The following CHN2 variants were observed in gnomAD, a reference collection of about 807,000 sequenced individuals.
CHN2 encodes beta-chimaerin.
Under a neutral mutation model 56.3 loss-of-function variants are expected in CHN2, and 35 were observed. That is an observed-to-expected ratio of 0.62 (90% CI 0.47 to 0.82). The LOEUF (loss-of-function observed/expected upper bound fraction) is 0.82, where lower values mean the gene tolerates loss of function less well. Among genes scored for constraint, CHN2 ranks in the 40% least tolerant of loss-of-function variants. The pLI, the probability that CHN2 is intolerant of heterozygous loss-of-function variation, is 0.00. For missense variants in CHN2, 491 were observed against 580.5 expected (o/e 0.85, Z 1.58); for synonymous variants, 210 against 212.8 (o/e 0.99, Z 0.12).
intron 10 of CHN2, among the ~76,000 whole-genome samples, chr7:29,505,544 C>G (rs1583436304): frequency 1.3e-5 from 2 of 152,316 alleles, no homozygotes; most frequent in Admixed American, 6.5e-5. Context: ...GAAATACACC[C>G]TATTTGTTGC....
chr7:29,298,340 C>G (rs558905486), intron 1 of CHN2, among the ~76,000 whole-genome samples: 1 of 152,140 alleles, frequency 6.6e-6, no homozygotes, highest in Non-Finnish European at 1.5e-5. Context: ...CCCCCCTCCC[C>G]CGCGACCAGG....
chr7:29,192,162 T>A (rs1213483526), upstream of CHN2: 4 of 152,336 alleles, frequency 2.6e-5, no homozygotes, highest in African/African-American at 9.6e-5. Flanking sequence ...ACTTCTCTGT[T>A]CAGCAAGCGT....
rs1472474906 is a variant in CHN2 at position 29,355,615 on chromosome 7, C to G, written c.88+952C>G. On this transcript the variant is annotated intron_variant, in intron 2 of 12. Transcript: ENST00000222792. ...GCCCACTGTGTCCAGAGCCAGGGTGCGCAGGCCCTGGCTCAGGCTCTGCTT... is the reference window on the plus strand; with the variant it reads ...GCCCACTGTGTCCAGAGCCAGGGTGGGCAGGCCCTGGCTCAGGCTCTGCTT... Among the ~76,000 whole-genome samples, 3 of 151,766 alleles carry G rather than the reference C, an allele frequency of 2.0e-5. No individual in the cohort carries two copies. In the South Asian group the frequency reaches 6.2e-4, roughly 32 times the overall value.
At chr7:29,196,874 A>T (rs1182902012) in intron 1 of CHN2, among the ~76,000 whole-genome samples, 1 of 152,184 alleles carries the variant, frequency 6.6e-6, no homozygotes, top group East Asian at 1.9e-4. Flanking sequence ...ATTTACCCCT[A>T]TTTTTAATCC....
In CHN2 at chr7:29,252,591, T is replaced by TTTTGTTTTGTTTTGTTTTG. The variant is rs1554378210; in HGVS notation, c.49+57604_49+57605insGTTTTGTTTTGTTTTGTTT. ...ATTGCATTCTTTGTTTTTTTTTTTT[T>TTTTGTTTTGTTTTGTTTTG]TTTTTTTTTTTTTTTGAGACGGAGT... On this transcript the variant is annotated intron_variant, in intron 1 of 12. Transcript: ENST00000222792. Among the ~76,000 whole-genome samples, 2 of 25,102 alleles carry TTTTGTTTTGTTTTGTTTTG rather than the reference T, an allele frequency of 8.0e-5. 1 individual carries two copies. Among genetic ancestry groups the TTTTGTTTTGTTTTGTTTTG allele is most frequent in the East Asian group, 4.4e-3 (2 of 458 alleles). The allele number at this position is 25,102 out of a possible 152,430, so 16.5% of individuals were successfully genotyped here. A position where few individuals can be genotyped will look rare whatever the true frequency, so the allele number is the denominator to read the frequency against.
intron 7 of CHN2, among the ~76,000 whole-genome samples, chr7:29,492,112 C>T (rs1788727153): frequency 6.6e-6 from 1 of 152,182 alleles, no homozygotes; most frequent in Non-Finnish European, 1.5e-5. Context: ...TTATTTCACC[C>T]TTACTCTTAG....
At chr7:29,436,834 A>G (rs1315723022) in intron 6 of CHN2, among the ~76,000 whole-genome samples, 3 of 152,188 alleles carry the variant, frequency 2.0e-5, no homozygotes, top group Admixed American at 2.0e-4. Flanking sequence ...TATTGGGCTT[A>G]CAATACACAT....
intron 2 of CHN2, among the ~76,000 whole-genome samples, chr7:29,181,085 G>A (rs911637039): frequency 6.6e-6 from 1 of 152,126 alleles, no homozygotes; most frequent in Admixed American, 6.6e-5. Flanking sequence ...TACAGCAATG[G>A]GAGGCCATTT....
chr7:29,242,759 G>GAAAA (rs57273690), intron 1 of CHN2, among the ~76,000 whole-genome samples: 7 of 59,720 alleles, frequency 1.2e-4, no homozygotes, highest in South Asian at 5.6e-4. Context: ...CTTTCCTTCT[G>GAAAA]AAAAAAAAAA....
At chr7:29,313,458 T>C (rs1794734380) in intron 1 of CHN2, among the ~76,000 whole-genome samples, 2 of 152,068 alleles carry the variant, frequency 1.3e-5, no homozygotes, top group Admixed American at 6.5e-5. Context: ...CCCAGAGGTG[T>C]CAGCTCACTC....
intron 3 of CHN2, among the ~76,000 whole-genome samples, chr7:29,383,898 AG>A (rs1800721297): frequency 6.6e-6 from 1 of 152,194 alleles, no homozygotes; most frequent in South Asian, 2.1e-4. Flanking sequence ...AGACCAGTAA[AG>A]AGACTACTTT....
At chr7:29,470,347 T>C (rs1374245480) in intron 6 of CHN2, among the ~76,000 whole-genome samples, 2 of 152,238 alleles carry the variant, frequency 1.3e-5, no homozygotes, top group Non-Finnish European at 2.9e-5. Context: ...ACTGCATTCT[T>C]AAATATCCCC....
intron 7 of CHN2, among the ~76,000 whole-genome samples, chr7:29,489,163 T>C (rs373666282): frequency 1.9e-4 from 29 of 152,236 alleles, no homozygotes; most frequent in African/African-American, 7.0e-4. Flanking sequence ...TGACTCTTCT[T>C]GCTCTTGTTT....
At chr7:29,354,570 TTGACAGCTTGACG>T (rs1715219258) in intron 1 of CHN2, 42 bp from the exon 2 acceptor site, 1 of 1,512,964 alleles carries the variant, frequency 6.6e-7, no homozygotes, top group African/African-American at 1.4e-5. Context: ...AAGACACATG[TTGACAGCTTGACG>T]TTCAGGCTGA....
intron 1 of CHN2, among the ~76,000 whole-genome samples, chr7:29,266,842 A>G (rs573648057): frequency 6.6e-6 from 1 of 152,192 alleles, no homozygotes; most frequent in Non-Finnish European, 1.5e-5. Context: ...ACCTCCTTCC[A>G]GGAAGCCTCC....
chr7:29,159,852 G>C (rs1794939748), intron 2 of CHN2, among the ~76,000 whole-genome samples: 1 of 152,178 alleles, frequency 6.6e-6, no homozygotes, highest in African/African-American at 2.4e-5. Flanking sequence ...GTCTCAACTA[G>C]TGTAATGCAA....
At chr7:29,391,057 G>T (rs1414082251) in intron 3 of CHN2, among the ~76,000 whole-genome samples, 1 of 151,856 alleles carries the variant, frequency 6.6e-6, no homozygotes, top group African/African-American at 2.4e-5. Context: ...TTGTTTTTTT[G>T]ATCCCAGCCT....
intron 7 of CHN2, among the ~76,000 whole-genome samples, chr7:29,486,998 C>G (rs899104660): frequency 1.3e-5 from 2 of 152,280 alleles, no homozygotes; most frequent in Admixed American, 6.5e-5. Flanking sequence ...CTTCCTCTTC[C>G]CCCTTGACCT....
chr7:29,412,122 A>C (rs1803272148), intron 6 of CHN2, among the ~76,000 whole-genome samples: 1 of 152,094 alleles, frequency 6.6e-6, no homozygotes, highest in African/African-American at 2.4e-5. Flanking sequence ...GTTAAATCAG[A>C]AAAAGGGGAC....
Sources: allele counts gnomAD v4.1 joint callset (sites outside exome capture counted in the v4.1 genomes callset), GRCh38; gene constraint gnomAD v4.1.1; transcripts MANE v1.5; gene names NCBI Gene and HGNC (gene_info 2026-07-23, HGNC 2026-07-21).